The following RBPMS variants were observed in gnomAD, a reference collection of about 807,000 sequenced individuals.
RBPMS encodes the protein RNA binding protein, mRNA processing factor, also known as RNA-binding protein with multiple splicing.
A neutral mutation model predicts 26.8 loss-of-function variants in RBPMS; 7 were observed. The observed-to-expected ratio is 0.26, with a 90% CI of 0.15 to 0.49. RBPMS has a LOEUF of 0.49. RBPMS is among the 20% of genes least tolerant of loss of function. The pLI is 0.98. For missense variants in RBPMS, 186 were observed against 250.0 expected (o/e 0.74, Z 1.73); for synonymous variants, 96 against 93.3 (o/e 1.03, Z -0.17).
At chr8:30,506,358 A>T (rs1821071715) in intron 5 of RBPMS, among the ~76,000 whole-genome samples, 1 of 144,052 alleles carries the variant, frequency 6.9e-6, no homozygotes, top group South Asian at 2.2e-4. Context: ...AAAAAAAAAA[A>T]TCCAAGCAGC....
At chr8:30,516,019 C>T (rs963435856) in intron 5 of RBPMS, among the ~76,000 whole-genome samples, 2 of 152,180 alleles carry the variant, frequency 1.3e-5, no homozygotes, top group Admixed American at 6.5e-5. Flanking sequence ...TAGGCTTGAT[C>T]GTTTTTACGT....
At chr8:30,564,378 TGAG>T (rs917979953) in intron 7 of RBPMS, 21 of 152,290 alleles carry the variant, frequency 1.4e-4, no homozygotes, top group African/African-American at 5.1e-4. Context: ...GTTTTCCCAG[TGAG>T]GAGACGCAAG....
intron 6 of RBPMS, chr8:30,558,523 C>T (rs1563451448): frequency 2.7e-6 from 1 of 376,708 alleles, no homozygotes; most frequent in East Asian, 5.8e-5. Flanking sequence ...CTTAGAAAGC[C>T]ATTAGATAGC....
intron 5 of RBPMS, among the ~76,000 whole-genome samples, chr8:30,535,122 C>G (rs1354312531): frequency 1.3e-5 from 2 of 152,152 alleles, no homozygotes; most frequent in African/African-American, 2.4e-5. Context: ...AGGACTGGAA[C>G]CTTTGCAGAT....
chr8:30,514,518 T>C lies in RBPMS; in HGVS notation c.397+10082T>C, dbSNP rs1822076889. 2.6e-5 allele frequency among the ~76,000 whole-genome samples: 4 copies of C among 151,964 alleles called. No individual in the cohort carries two copies. The South Asian group carries it at 8.3e-4, about 32-fold the overall frequency. On this transcript the variant is annotated intron_variant, in intron 5 of 8. Transcript: ENST00000397323. ...ACTTGACCACCATGATTTTGACAGTTTCCCAACAGATTGGTGGTGATGTTA... is the reference window on the plus strand; with the variant it reads ...ACTTGACCACCATGATTTTGACAGTCTCCCAACAGATTGGTGGTGATGTTA...
chr8:30,501,193 A>G (rs947406888), intron 4 of RBPMS, among the ~76,000 whole-genome samples: 2 of 151,820 alleles, frequency 1.3e-5, no homozygotes, highest in Non-Finnish European at 2.9e-5. Flanking sequence ...CACACACTCC[A>G]AAGTCCTCAG....
chr8:30,527,621 A>G (rs763462279), intron 5 of RBPMS, among the ~76,000 whole-genome samples: 10 of 152,104 alleles, frequency 6.6e-5, no homozygotes, highest in Non-Finnish European at 1.3e-4. Flanking sequence ...TGTGGGCTTC[A>G]TGATCCATTT....
At chr8:30,473,063 T>C (rs187866167) in intron 1 of RBPMS, among the ~76,000 whole-genome samples, 1 of 152,312 alleles carries the variant, frequency 6.6e-6, no homozygotes, top group Admixed American at 6.5e-5. Context: ...TGTGTTTGAG[T>C]AGAGAAAAAC....
At chr8:30,556,815 C>T in intron 6 of RBPMS, 1 of 981,344 alleles carries the variant, frequency 1.0e-6, no homozygotes, top group Non-Finnish European at 1.2e-6. Flanking sequence ...GTTCTTTCTT[C>T]TCCCCACCTC....
chr8:30,386,750 A>T (rs891840814), intron 1 of RBPMS, among the ~76,000 whole-genome samples: 1 of 152,180 alleles, frequency 6.6e-6, no homozygotes, highest in African/African-American at 2.4e-5. Flanking sequence ...CAAGATAATC[A>T]TCGCTTCAGA....
At chr8:30,439,024 G>A (rs1239629290) in intron 1 of RBPMS, among the ~76,000 whole-genome samples, 1 of 152,176 alleles carries the variant, frequency 6.6e-6, no homozygotes, top group African/African-American at 2.4e-5. Flanking sequence ...TGATCCACCT[G>A]CTTTGGCCTC....
intron 4 of RBPMS, among the ~76,000 whole-genome samples, chr8:30,501,572 G>A (rs1820561906): frequency 2.0e-5 from 3 of 152,034 alleles, no homozygotes; most frequent in South Asian, 4.1e-4. Context: ...GTCAGATTGG[G>A]GTGCTTGTAA....
intron 4 of RBPMS, among the ~76,000 whole-genome samples, chr8:30,489,305 CAG>C (rs1043781700): frequency 9.2e-5 from 14 of 152,004 alleles, no homozygotes; most frequent in Admixed American, 7.9e-4. Context: ...CTCAGCTTTG[CAG>C]AGTGTTAGGA....
intron 5 of RBPMS, among the ~76,000 whole-genome samples, chr8:30,529,937 T>C (rs1229147742): frequency 6.6e-6 from 1 of 152,102 alleles, no homozygotes; most frequent in Non-Finnish European, 1.5e-5. Context: ...ATTTTTTTAC[T>C]AGAGACAGGG....
chr8:30,472,320 T>C (rs1244622980), intron 1 of RBPMS, among the ~76,000 whole-genome samples: 1 of 152,236 alleles, frequency 6.6e-6, no homozygotes, highest in Non-Finnish European at 1.5e-5. Flanking sequence ...GGGTACATAC[T>C]CTGTGGTTCC....
chr8:30,546,224 A>G (rs762843590), intron 6 of RBPMS, among the ~76,000 whole-genome samples: 13 of 152,294 alleles, frequency 8.5e-5, no homozygotes, highest in South Asian at 2.1e-4. Context: ...TCACGTGGCA[A>G]TTAAGGCAAA....
intron 1 of RBPMS, among the ~76,000 whole-genome samples, chr8:30,471,845 G>A (rs1817139992): frequency 6.6e-6 from 1 of 152,106 alleles, no homozygotes; most frequent in Non-Finnish European, 1.5e-5. Context: ...CAAAGTTGGG[G>A]GTAGTGGAAA....
intron 1 of RBPMS, among the ~76,000 whole-genome samples, chr8:30,436,401 GCTGT>G (rs1442322831): frequency 2.6e-5 from 4 of 152,152 alleles, no homozygotes; most frequent in East Asian, 3.9e-4. Context: ...TTTGAAAGCT[GCTGT>G]CTAATTTCTC....
At chr8:30,416,914 C>G (rs4733485) in intron 1 of RBPMS, among the ~76,000 whole-genome samples, 2,039 of 152,272 alleles carry the variant, frequency 0.013, 41 homozygotes, top group African/African-American at 0.047. Flanking sequence ...GGATTACAGG[C>G]ATGCACCACT....
Sources: allele counts gnomAD v4.1 joint callset (sites outside exome capture counted in the v4.1 genomes callset), GRCh38; gene constraint gnomAD v4.1.1; transcripts MANE v1.5; gene names NCBI Gene and HGNC (gene_info 2026-07-23, HGNC 2026-07-21).